TRIOBP: variants seen among roughly 807,000 people sequenced by gnomAD.
TRIOBP encodes the protein TRIO and F-actin binding protein, also known as TRIO and F-actin-binding protein.
TRIOBP carries 169 observed loss-of-function variants against 238.8 expected under a neutral mutation model. That is an observed-to-expected ratio of 0.71 (90% CI 0.62 to 0.80). TRIOBP has a LOEUF of 0.80. Among genes scored for constraint, TRIOBP ranks in the 30% least tolerant of loss-of-function variants. The probability of loss-of-function intolerance (pLI) is 0.00; values close to 1 mark genes in which losing one functional copy is unlikely to be tolerated. For missense variants in TRIOBP, 2,838 were observed against 3,122.6 expected, an observed-to-expected ratio of 0.91 and a Z score of 2.17; for synonymous variants, 1,150 against 1,274.4, an observed-to-expected ratio of 0.90 and a Z score of 2.08.
intron 6 of TRIOBP, among the ~76,000 whole-genome samples, chr22:37,721,638 C>T (rs1365526176): frequency 6.6e-6 from 1 of 152,162 alleles, no homozygotes; most frequent in Non-Finnish European, 1.5e-5. Flanking sequence ...CCACCAGGCC[C>T]TGCTAAGTTT....
intron 6 of TRIOBP, among the ~76,000 whole-genome samples, chr22:37,716,503 C>T (rs1923527784): frequency 6.6e-6 from 1 of 152,270 alleles, no homozygotes. Context: ...CCTCTTGGCT[C>T]ACTGCAACCT....
At position 37,758,144 on chromosome 22, in the gene TRIOBP, C is replaced by T; in HGVS notation, c.6213+6C>T. ...ACGAGGCACTGGAGAAGGAGGTAGG[C>T]ACCACGGCTGGCTCTCTAGGAGGCC... On this transcript the variant is annotated splice_donor_region_variant and intron_variant, in intron 16 of 23. Transcript: ENST00000644935. 6.2e-7 allele frequency: 1 copy of T among 1,610,704 alleles called. No individual in the cohort carries two copies. The highest frequency in any genetic ancestry group is 8.5e-7 in the Non-Finnish European group (1 of 1,179,892).
At position 37,748,589 on chromosome 22, in the gene TRIOBP, T is replaced by A. The variant is rs74693320; in HGVS notation, c.5323-3183T>A. On this transcript the variant is annotated intron_variant, in intron 11 of 23. Transcript: ENST00000644935. ...AGTGCCTGATAACTTTAAAAAAAAA[T>A]TTTTTTTTCTGCAAACACTCCCTGA... Among the ~76,000 whole-genome samples the A allele has an allele frequency of 8.1e-3, 486 of 59,942 alleles. 1 individual carries two copies. The highest frequency in any genetic ancestry group is 0.027 in the African/African-American group (431 of 15,704). 39.3% of individuals were successfully genotyped at this position (59,942 alleles called of 152,430 possible). A position where few individuals can be genotyped will look rare whatever the true frequency, so the allele number is the denominator to read the frequency against.
chr22:37,703,587 C>T (rs760454781), intron 3 of TRIOBP, among the ~76,000 whole-genome samples: 3 of 149,774 alleles, frequency 2.0e-5, no homozygotes, highest in Non-Finnish European at 4.4e-5. Context: ...TCACTGCAAG[C>T]TCGGCCTCCC....
chr22:37,772,839 C>T, intron 23 of TRIOBP, 75 bp downstream of exon 23: 1 of 1,554,738 alleles, frequency 6.4e-7, no homozygotes, highest in South Asian at 1.2e-5. Flanking sequence ...CCCTGGACCA[C>T]CCCAGCCAGG....
intron 2 of TRIOBP, among the ~76,000 whole-genome samples, chr22:37,698,866 G>A (rs992138704): frequency 2.4e-4 from 37 of 151,530 alleles, no homozygotes; most frequent in African/African-American, 9.0e-4. Context: ...AGACATTAGG[G>A]GCCGGATGCA....
At chr22:37,759,667 C>T in intron 17 of TRIOBP, 1 of 1,526,110 alleles carries the variant, frequency 6.6e-7, no homozygotes, top group Non-Finnish European at 8.8e-7. Flanking sequence ...CCGAGGCCCA[C>T]TGGGCCAAGG....
At chr22:37,742,197 A>C (rs1193182105) in intron 11 of TRIOBP, among the ~76,000 whole-genome samples, 1 of 148,896 alleles carries the variant, frequency 6.7e-6, no homozygotes, top group Non-Finnish European at 1.5e-5. Context: ...GACCTCAGGT[A>C]ATCCGCCCAC....
intron 6 of TRIOBP, among the ~76,000 whole-genome samples, chr22:37,720,040 A>G (rs1238160071): frequency 5.9e-5 from 3 of 50,522 alleles, no homozygotes; most frequent in Admixed American, 3.5e-4. Context: ...ACAGAGTTTC[A>G]CTCTTGTTGC....
At chr22:37,711,602 A>AAAAC (rs1923247124) in intron 4 of TRIOBP, among the ~76,000 whole-genome samples, 1 of 140,608 alleles carries the variant, frequency 7.1e-6, no homozygotes, top group Non-Finnish European at 1.5e-5. Flanking sequence ...ACAACAAAAA[A>AAAAC]AAAAAACAAA....
chr22:37,745,963 TCCTC>T (rs1925208303), intron 11 of TRIOBP, among the ~76,000 whole-genome samples: 2 of 150,470 alleles, frequency 1.3e-5, no homozygotes, highest in South Asian at 2.1e-4. Flanking sequence ...GGCCCTTCCT[TCCTC>T]CCAGCGCGCC....
chr22:37,731,370 G>T (rs756315045), intron 7 of TRIOBP, among the ~76,000 whole-genome samples: 2 of 151,612 alleles, frequency 1.3e-5, no homozygotes, highest in African/African-American at 4.9e-5. Flanking sequence ...CAAACTCCTC[G>T]ACTCAAGTGA....
intron 7 of TRIOBP, among the ~76,000 whole-genome samples, chr22:37,732,339 T>C (rs1051910795): frequency 3.3e-5 from 5 of 152,040 alleles, no homozygotes; most frequent in African/African-American, 1.2e-4. Flanking sequence ...TGAAGCCCAG[T>C]GTCTTAGAAA....
Position 37,726,511 on chromosome 22 carries a change from C to CG in TRIOBP, c.3947+13dup. On this transcript the variant is annotated intron_variant, in intron 7 of 23. Transcript: ENST00000644935. ...CTTCGGGCAAGAGCGCAGGTGAGCC[C>CG]GGGGGTGGGGTCAGCCAGGTGGGCT... 1 of 1,479,356 alleles carries CG rather than the reference C, an allele frequency of 6.8e-7. No homozygotes were observed. The highest frequency in any genetic ancestry group is 2.4e-5 in the Admixed American group (1 of 42,006). 91.6% of individuals were successfully genotyped at this position (1,479,356 alleles called of 1,614,324 possible).
intron 11 of TRIOBP, among the ~76,000 whole-genome samples, chr22:37,745,329 G>C (rs926054822): frequency 2.0e-5 from 3 of 152,002 alleles, no homozygotes; most frequent in Non-Finnish European, 4.4e-5. Context: ...ACCTCATGAG[G>C]TAACAGCATT....
rs144746958 is a variant in TRIOBP at position 37,698,099 on chromosome 22, C to T, written c.-61+403C>T. On this transcript the variant is annotated intron_variant, in intron 2 of 23. Coordinates refer to ENST00000644935, the MANE Select transcript of TRIOBP (RefSeq NM_001039141.3). ...CCTGTAATCCCAGCTATTTGGGAGG[C>T]TGCGGCAGGAGAATTGCTTGAATCC... is the stretch of plus-strand genomic sequence containing the variant. 6.7e-3 allele frequency among the ~76,000 whole-genome samples: 995 copies of T among 148,890 alleles called. 2 individuals carry two copies. Among genetic ancestry groups the T allele is most frequent in the Middle Eastern group, 0.017 (5 of 288 alleles).
rs758544052 is a variant in TRIOBP, at chr22:37,757,693, C to T, written c.5768C>T (p.Ala1923Val). 1.8e-5 allele frequency: 28 copies of T among 1,584,382 alleles called. No individual in the cohort carries two copies. Among genetic ancestry groups the T allele is most frequent in the African/African-American group, 4.0e-5 (3 of 74,304 alleles). The change falls in exon 16 of 24, where the codon GCG becomes GTG. Residue 1923 changes from alanine to valine, a missense_variant. By Grantham distance (64) the Ala-to-Val change is moderately conservative. This residue lies in a region of TRIOBP where 2,096 missense variants were observed against 2,137.4 expected (regional missense o/e 0.98). Coordinates refer to ENST00000644935, the MANE Select transcript of TRIOBP (RefSeq NM_001039141.3). Reference protein sequence around the residue: ...KGPLKAGEQRAGSEVISRGGP... With the variant: ...KGPLKAGEQRVGSEVISRGGP... ...CCCCTGAAGGCAGGGGAGCAGCGGGCGGGCTCTGAGGTCATCAGCCGGGGT... is the reference window on the plus strand; with the variant it reads ...CCCCTGAAGGCAGGGGAGCAGCGGGTGGGCTCTGAGGTCATCAGCCGGGGT...
chr22:37,768,912 G>A (rs1408510043), intron 19 of TRIOBP, 116 bp from the exon 20 acceptor site: 1 of 1,469,628 alleles, frequency 6.8e-7, no homozygotes, highest in Non-Finnish European at 9.5e-7. Context: ...CAGGCTAAAG[G>A]CAAACCTAGA....
At position 37,772,696 on chromosome 22, in the gene TRIOBP, G is replaced by A. The variant is rs61737839; in HGVS notation, c.7032G>A (p.Glu2344=). The A allele has an allele frequency of 1.1e-3, 1,765 of 1,614,100 alleles. 16 individuals are homozygous for A. The African/African-American group carries it at 0.019, about 18-fold the overall frequency. The change falls in exon 23 of 24, where the codon GAG becomes GAA. Residue 2344 remains glutamate, a synonymous_variant. Coordinates refer to ENST00000644935, the MANE Select transcript of TRIOBP (RefSeq NM_001039141.3). The part of the protein sequence containing the change: ...RSEREIEQLK[E]HLRLAMAALQ... ...AGCGGGAGATCGAGCAGCTGAAGGA[G>A]CACCTGCGTCTTGCCATGGCCGCCC...
Sources: allele counts gnomAD v4.1 joint callset (sites outside exome capture counted in the v4.1 genomes callset), GRCh38; gene constraint gnomAD v4.1.1; regional missense constraint gnomAD v4.1.1; transcripts MANE v1.5; gene names NCBI Gene and HGNC (gene_info 2026-07-23, HGNC 2026-07-21).